Variants in GPR39 observed in about 807,000 individuals in gnomAD.
GPR39 encodes the protein zinc sensing receptor.
GPR39 carries 23 observed loss-of-function variants against 18.4 expected under a neutral mutation model. The ratio of observed to expected loss-of-function variants is 1.25; its 90% CI spans 0.90 to 1.77. GPR39 has a LOEUF of 1.77. GPR39 is among the 40% of genes most tolerant of loss of function. GPR39 has a pLI of 0.00. For missense variants in GPR39, 647 were observed against 602.4 expected, an observed-to-expected ratio of 1.07 and a Z score of -0.78; for synonymous variants, 280 against 257.9, an observed-to-expected ratio of 1.09 and a Z score of -0.82.
intron 1 of GPR39, among the ~76,000 whole-genome samples, chr2:132,467,419 G>T (rs1680947457): frequency 6.6e-6 from 1 of 152,166 alleles, no homozygotes; most frequent in African/African-American, 2.4e-5. Flanking sequence ...GAGAGGGAGG[G>T]TCAGAGCAGG....
At chr2:132,486,104 A>C (rs1201070215) in intron 1 of GPR39, among the ~76,000 whole-genome samples, 1 of 152,216 alleles carries the variant, frequency 6.6e-6, no homozygotes, top group East Asian at 1.9e-4. Context: ...TCAGGTGACC[A>C]GGTGTCTTGT....
chr2:132,569,493 C>T (rs1042085966), intron 1 of GPR39, among the ~76,000 whole-genome samples: 1 of 151,998 alleles, frequency 6.6e-6, no homozygotes, highest in African/African-American at 2.4e-5. Context: ...AGGCTGAGTA[C>T]CACTTGGGAC....
intron 1 of GPR39, among the ~76,000 whole-genome samples, chr2:132,500,948 G>A (rs1249671306): frequency 6.6e-6 from 1 of 151,484 alleles, no homozygotes; most frequent in Non-Finnish European, 1.5e-5. Context: ...TTCTAATTGA[G>A]CTTATTTGGA....
chr2:132,566,805 G>A (rs1158834767), intron 1 of GPR39, among the ~76,000 whole-genome samples: 1 of 152,100 alleles, frequency 6.6e-6, no homozygotes, highest in Non-Finnish European at 1.5e-5. Context: ...CACATTCCCT[G>A]GCCATTCTCC....
At chr2:132,418,190 A>T (rs1679946697) in intron 1 of GPR39, among the ~76,000 whole-genome samples, 1 of 152,212 alleles carries the variant, frequency 6.6e-6, no homozygotes, top group Non-Finnish European at 1.5e-5. Context: ...GGGAAGTCAC[A>T]AAAATCTTTG....
Position 132,529,521 on chromosome 2 carries a change from G to A in GPR39, c.856+111623G>A, listed in dbSNP as rs537975647. 2.6e-5 allele frequency among the ~76,000 whole-genome samples: 4 copies of A among 152,336 alleles called. No individual in the cohort carries two copies. In the East Asian group the frequency reaches 5.8e-4, roughly 22 times the overall value. On this transcript the variant is annotated intron_variant, in intron 1 of 1. Transcript: ENST00000329321. ...AAAAGAGTAGTGGTTCTCCCAGCAC[G>A]CAGCTTGAGATCTGAGAATGGGCGG...
chr2:132,526,478 A>G (rs563812963), intron 1 of GPR39, among the ~76,000 whole-genome samples: 1 of 152,296 alleles, frequency 6.6e-6, no homozygotes, highest in African/African-American at 2.4e-5. Flanking sequence ...CCTGCAGCCA[A>G]ACCCTAGTGG....
At position 132,579,125 on chromosome 2, in the gene GPR39, C is replaced by T. The variant is rs557109347; in HGVS notation, c.857-65976C>T. ...TACTATAAGTTTTTCCTTCTCAGTA[C>T]TCTTTAGCTGTGTCCCACAAATTTT... On this transcript the variant is annotated intron_variant, in intron 1 of 1. Coordinates refer to ENST00000329321, the MANE Select transcript of GPR39 (RefSeq NM_001508.3). Among the ~76,000 whole-genome samples the T allele has an allele frequency of 1.6e-4, 24 of 151,088 alleles. 1 individual carries two copies. Among genetic ancestry groups the T allele is most frequent in the African/African-American group, 5.6e-4 (23 of 41,288 alleles).
chr2:132,497,165 C>T (rs745462974), intron 1 of GPR39, among the ~76,000 whole-genome samples: 118 of 152,264 alleles, frequency 7.7e-4, no homozygotes, highest in African/African-American at 2.4e-3. Context: ...TGTATAAACA[C>T]GTGCAGAGTG....
At chr2:132,421,035 A>T (rs893903575) in intron 1 of GPR39, among the ~76,000 whole-genome samples, 2 of 152,178 alleles carry the variant, frequency 1.3e-5, no homozygotes, top group African/African-American at 4.8e-5. Context: ...TGGCATGGTA[A>T]TATTTGTCCG....
intron 1 of GPR39, among the ~76,000 whole-genome samples, chr2:132,492,626 T>C (rs1353372139): frequency 7.3e-6 from 1 of 137,760 alleles, no homozygotes; most frequent in African/African-American, 2.8e-5. Flanking sequence ...ATATATACAA[T>C]ATATATACAC....
At chr2:132,469,488 T>C (rs115333541) in intron 1 of GPR39, among the ~76,000 whole-genome samples, 3 of 152,338 alleles carry the variant, frequency 2.0e-5, no homozygotes, top group Non-Finnish European at 4.4e-5. Flanking sequence ...CCATGTGTAA[T>C]TGAATCGCAA....
Position 132,510,230 on chromosome 2 carries a change from CTG to C in GPR39, c.856+92336_856+92337del, listed in dbSNP as rs149751362. On this transcript the variant is annotated intron_variant, in intron 1 of 1. Coordinates refer to ENST00000329321, the MANE Select transcript of GPR39 (RefSeq NM_001508.3). The stretch of plus-strand genomic sequence containing the variant: ...CACTGGGCACTGGTTACCTACTTGT[CTG>C]TGTCCAGTGAGACAAAACACTCACA... Among the ~76,000 whole-genome samples the C allele has an allele frequency of 3.6e-3, 554 of 152,270 alleles. 5 individuals are homozygous for C. Among genetic ancestry groups the C allele is most frequent in the African/African-American group, 0.013 (525 of 41,558 alleles).
intron 1 of GPR39, among the ~76,000 whole-genome samples, chr2:132,573,491 T>A (rs563081258): frequency 7.2e-5 from 11 of 152,004 alleles, no homozygotes; most frequent in Non-Finnish European, 1.3e-4. Context: ...CCCAGCAAAG[T>A]TGGCAGACAG....
chr2:132,520,163 A>C (rs1165891393), intron 1 of GPR39, among the ~76,000 whole-genome samples: 1 of 151,810 alleles, frequency 6.6e-6, no homozygotes, highest in East Asian at 1.9e-4. Flanking sequence ...CTTCTTCCCC[A>C]CCAAATTTTA....
chr2:132,418,065 T>A (rs758982086), intron 1 of GPR39, among the ~76,000 whole-genome samples, 167 bp downstream of exon 1: 2 of 152,222 alleles, frequency 1.3e-5, no homozygotes, highest in Non-Finnish European at 2.9e-5. Flanking sequence ...GCTCTGGGTC[T>A]CTGAATGTTT....
At chr2:132,558,444 A>G (rs79688807) in intron 1 of GPR39, among the ~76,000 whole-genome samples, 1 of 152,248 alleles carries the variant, frequency 6.6e-6, no homozygotes, top group East Asian at 1.9e-4. Flanking sequence ...TTGAGGGTGC[A>G]TACTTTTTTG....
chr2:132,582,629 G>T (rs901691190), intron 1 of GPR39, among the ~76,000 whole-genome samples: 11 of 152,172 alleles, frequency 7.2e-5, no homozygotes, highest in African/African-American at 2.7e-4. Flanking sequence ...GTGGAGTAAG[G>T]TCAAGGTGCC....
At chr2:132,636,466 C>T (rs939653076) in intron 1 of GPR39, among the ~76,000 whole-genome samples, 1 of 152,192 alleles carries the variant, frequency 6.6e-6, no homozygotes, top group African/African-American at 2.4e-5. Flanking sequence ...TGTCTCCACA[C>T]TCCTGAAATG....
Sources: allele counts gnomAD v4.1 joint callset (sites outside exome capture counted in the v4.1 genomes callset), GRCh38; gene constraint gnomAD v4.1.1; transcripts MANE v1.5; gene names NCBI Gene and HGNC (gene_info 2026-07-23, HGNC 2026-07-21).